SETD4: variants seen among roughly 807,000 people sequenced by gnomAD.
SETD4 encodes SET domain containing 4.
Under a neutral mutation model 58.3 loss-of-function variants are expected in SETD4, and 46 were observed. The ratio of observed to expected loss-of-function variants is 0.79; its 90% confidence interval spans 0.62 to 1.01. The LOEUF (loss-of-function observed/expected upper bound fraction) is 1.01. SETD4 is among the 50% of genes least tolerant of loss of function. The pLI, the probability that SETD4 is intolerant of heterozygous loss-of-function variation, is 0.00. For missense variants in SETD4, 490 were observed against 523.3 expected (o/e 0.94, Z 0.62); for synonymous variants, 190 against 202.6 (o/e 0.94, Z 0.53).
At chr21:36,055,818 C>T (rs1301607482) in intron 3 of SETD4, among the ~76,000 whole-genome samples, 1 of 152,144 alleles carries the variant, frequency 6.6e-6, no homozygotes, top group African/African-American at 2.4e-5. Context: ...ATGACCTATT[C>T]TCAGGTATTC....
intron 9 of SETD4, among the ~76,000 whole-genome samples, chr21:36,039,128 C>T (rs1050943734): frequency 3.3e-4 from 50 of 152,110 alleles, no homozygotes; most frequent in African/African-American, 1.1e-3. Flanking sequence ...GAAATGAGTT[C>T]TCAGTAAAGA....
intron 5 of SETD4, among the ~76,000 whole-genome samples, chr21:36,046,537 T>C (rs1333654038): frequency 6.6e-6 from 1 of 152,234 alleles, no homozygotes; most frequent in African/African-American, 2.4e-5. Context: ...AATTGCACAA[T>C]AGCCATTCAG....
chr21:36,055,055 T>C (rs771576931), intron 3 of SETD4, among the ~76,000 whole-genome samples: 4 of 152,270 alleles, frequency 2.6e-5, no homozygotes, highest in Non-Finnish European at 5.9e-5. Flanking sequence ...AGTGTTAACT[T>C]ATTTCATTGA....
At position 36,058,871 on chromosome 21, in the gene SETD4, C is replaced by A; in HGVS notation, c.18G>T (p.Gly6=). 1 of 1,600,176 alleles carries A rather than the reference C, an allele frequency of 6.2e-7. No homozygotes were observed. The highest frequency in any genetic ancestry group is 1.2e-5 in the South Asian group (1 of 86,550). ...TTCGTCTTCTGATCCGGCTTGTTCT[C>A]CCTTTTCCTTTCTGCATGCTAAAAC... is the stretch of plus-strand genomic sequence containing the variant. MQKGK[G]RTSRIRRRKL... Residue 6 remains glycine, a synonymous_variant, in exon 2 of 12, where the codon GGG becomes GGT. Transcript: ENST00000332131.
At chr21:36,050,435 G>A in intron 4 of SETD4, 1 of 1,614,136 alleles carries the variant, frequency 6.2e-7, no homozygotes, top group Non-Finnish European at 8.5e-7. Context: ...ACCCACAAGT[G>A]GTGGTAGTCA....
chr21:36,043,036 G>T (rs1237067536), intron 7 of SETD4: 1 of 152,206 alleles, frequency 6.6e-6, no homozygotes. Flanking sequence ...GCTGAGACAG[G>T]TAGATCACTT....
rs764803958 is a variant in SETD4, at chr21:36,040,563, T to G, written c.1064+12A>C. On this transcript the variant is annotated intron_variant, in intron 9 of 11. Coordinates refer to ENST00000332131, the MANE Select transcript of SETD4 (RefSeq NM_017438.5). ...GTTGCTACAGCTTAAGACCAACACA[T>G]GTGAAACTTACAATTTCTCAGCTTC... 22 of 1,611,476 alleles carry G rather than the reference T, an allele frequency of 1.4e-5. No homozygotes were observed. The highest frequency in any genetic ancestry group is 1.9e-5 in the Non-Finnish European group (22 of 1,177,882).
chr21:36,039,714 A>G (rs1412336066), intron 9 of SETD4, among the ~76,000 whole-genome samples: 1 of 152,270 alleles, frequency 6.6e-6, no homozygotes, highest in Non-Finnish European at 1.5e-5. Flanking sequence ...TAGTATCTGT[A>G]AGATAAAAAC....
intron 3 of SETD4, among the ~76,000 whole-genome samples, chr21:36,056,906 T>C (rs1302386564): frequency 6.6e-6 from 1 of 152,196 alleles, no homozygotes; most frequent in Non-Finnish European, 1.5e-5. Flanking sequence ...GAGAAGAATG[T>C]CAGTCTACCT....
At chr21:36,057,424 T>C (rs892075278) in intron 2 of SETD4, 28 of 702,460 alleles carry the variant, frequency 4.0e-5, no homozygotes, top group Non-Finnish European at 6.6e-5. Flanking sequence ...GCGGGAGGAC[T>C]GCTTGAGGCC....
rs984448219 is a variant in SETD4, at chr21:36,060,413, C to T, written c.-103G>A. The T allele has an allele frequency of 6.6e-6, 1 of 152,480 alleles. No individual in the cohort carries two copies. The highest frequency in any genetic ancestry group is 6.5e-5 in the Admixed American group (1 of 15,294). The allele number at this position is 152,480 out of a possible 1,614,324, so 9.4% of individuals were successfully genotyped here. A position where few individuals can be genotyped will look rare whatever the true frequency, so the allele number is the denominator to read the frequency against. On this transcript the variant is annotated 5_prime_UTR_variant, in exon 1 of 12. Transcript: ENST00000332131. Reference sequence around the variant, plus strand: ...GCGGGCCCAAGGCACGTGGAAATACCAAACAGCCCCAGATGAAGGCAAGTT... The same window carrying T: ...GCGGGCCCAAGGCACGTGGAAATACTAAACAGCCCCAGATGAAGGCAAGTT...
intron 4 of SETD4, chr21:36,050,360 G>T (rs1232429136): frequency 6.2e-7 from 1 of 1,613,630 alleles, no homozygotes; most frequent in Non-Finnish European, 8.5e-7. Context: ...TGATGGATGA[G>T]GTGGTGCTGA....
At chr21:36,050,760 C>T (rs2064635041) in intron 4 of SETD4, 2 of 1,612,518 alleles carry the variant, frequency 1.2e-6, no homozygotes, top group Non-Finnish European at 1.7e-6. Flanking sequence ...TGATCTAAGC[C>T]ATCTTATTTG....
Position 36,036,161 on chromosome 21 carries a change from C to T in SETD4, c.1279G>A (p.Ala427Thr), listed in dbSNP as rs868058994. The T allele has an allele frequency of 6.2e-7, 1 of 1,613,932 alleles. No homozygotes were observed. The highest frequency in any genetic ancestry group is 8.5e-7 in the Non-Finnish European group (1 of 1,179,992). Residue 427 changes from alanine (A) to threonine (T), a missense_variant, in exon 11 of 12, where the codon GCA becomes ACA. By Grantham distance (58) the Ala-to-Thr change is moderately conservative. Coordinates refer to ENST00000332131, the MANE Select transcript of SETD4 (RefSeq NM_017438.5). ...AAACTGTGCAGGGTCTCGGCAGATG[C>T]CCTGAGAATCTTTAGCTCTTCCGTC... ...LWTEELKILR[A>T]SAETLHSLQT...
At chr21:36,060,002 G>A in intron 1 of SETD4, 1 of 985,718 alleles carries the variant, frequency 1.0e-6, no homozygotes, top group Non-Finnish European at 1.2e-6. Flanking sequence ...ACAGACACAG[G>A]CACCGTCCCC....
rs1244780953 is a variant in SETD4, at chr21:36,035,691, A to T, written c.*302T>A. ...AAAAGCACAACCACTAGACTCTGATAGCTGCTGTGTCAGATAAGAAGCAGG... is the reference window on the plus strand; with the variant it reads ...AAAAGCACAACCACTAGACTCTGATTGCTGCTGTGTCAGATAAGAAGCAGG... On this transcript the variant is annotated 3_prime_UTR_variant, in exon 12 of 12. Transcript: ENST00000332131. The T allele has an allele frequency of 1.7e-5, 4 of 229,968 alleles. No individual in the cohort carries two copies. The Admixed American group carries it at 2.1e-4, about 12-fold the overall frequency. The allele number at this position is 229,968 out of a possible 1,614,324, so 14.2% of individuals were successfully genotyped here. A position where few individuals can be genotyped will look rare whatever the true frequency, so the allele number is the denominator to read the frequency against.
In SETD4 at chr21:36,053,630, C is replaced by T; in HGVS notation, c.170-10G>A. The stretch of plus-strand genomic sequence containing the variant: ...AGCCCTCTTCCTGTACCTAGGAAAG[C>T]AAAGACAGAAAGAGAGTAAATCCTA... On this transcript the variant is annotated splice_polypyrimidine_tract_variant and intron_variant, in intron 3 of 11. Coordinates refer to ENST00000332131, the MANE Select transcript of SETD4 (RefSeq NM_017438.5). 1 of 1,613,560 alleles carries T rather than the reference C, an allele frequency of 6.2e-7. No homozygotes were observed. The highest frequency in any genetic ancestry group is 1.1e-5 in the South Asian group (1 of 91,064).
rs1568944379 is a variant in SETD4 at position 36,058,804 on chromosome 21, G to C, written c.73+12C>G. 1 of 1,589,418 alleles carries C rather than the reference G, an allele frequency of 6.3e-7. No individual in the cohort carries two copies. The highest frequency in any genetic ancestry group is 8.5e-7 in the Non-Finnish European group (1 of 1,172,082). On this transcript the variant is annotated intron_variant, in intron 2 of 11. Transcript: ENST00000332131. ...TCTTTTTTCATTACTGGTACTAAAA[G>C]AAAAACCATACCTCCTCTTGATTCA...
At position 36,035,365 on chromosome 21, in the gene SETD4, G is replaced by C. The variant is rs2063745772; in HGVS notation, c.*628C>G. ...GCAGGATGAGCCAGCTCCCCAGGTG[G>C]AAAGGCCTGCCCAGGAAAGTCGCCA... On this transcript the variant is annotated 3_prime_UTR_variant, in exon 12 of 12. Transcript: ENST00000332131. 2 of 152,562 alleles carry C rather than the reference G, an allele frequency of 1.3e-5. No homozygotes were observed. The highest frequency in any genetic ancestry group is 4.1e-4 in the South Asian group (2 of 4,842). The allele number at this position is 152,562 out of a possible 1,614,324, so 9.5% of individuals were successfully genotyped here.
Sources: allele counts gnomAD v4.1 joint callset (sites outside exome capture counted in the v4.1 genomes callset), GRCh38; gene constraint gnomAD v4.1.1; transcripts MANE v1.5; gene names NCBI Gene and HGNC (gene_info 2026-07-23, HGNC 2026-07-21).